Variants in GRIA4 observed in about 807,000 individuals in gnomAD.
GRIA4 encodes the protein glutamate receptor 4.
In GRIA4, 34 loss-of-function variants were observed where a neutral mutation model predicts 104.0. That is an observed-to-expected ratio of 0.33 (90% CI 0.25 to 0.44). GRIA4 has a LOEUF of 0.44. Ranked by LOEUF, GRIA4 falls within the 20% of genes least tolerant of loss-of-function variation. GRIA4 has a pLI of 1.00. For synonymous variants in GRIA4, 386 were observed against 381.9 expected, an observed-to-expected ratio of 1.01 and a Z score of -0.13; for missense variants, 750 against 1,096.5, an observed-to-expected ratio of 0.68 and a Z score of 4.46.
chr11:105,670,380 TA>T (rs1478586124), intron 3 of GRIA4, among the ~76,000 whole-genome samples: 1 of 152,156 alleles, frequency 6.6e-6, no homozygotes, highest in Non-Finnish European at 1.5e-5. Flanking sequence ...TTCATTTTAA[TA>T]AAACAGAGGC....
chr11:105,622,810 A>G (rs1950783276), intron 3 of GRIA4, among the ~76,000 whole-genome samples: 1 of 151,770 alleles, frequency 6.6e-6, no homozygotes, highest in Non-Finnish European at 1.5e-5. Context: ...GCACTCATTA[A>G]GTAATTTATC....
intron 4 of GRIA4, among the ~76,000 whole-genome samples, chr11:105,853,100 G>A (rs902956032): frequency 2.6e-5 from 4 of 152,010 alleles, no homozygotes; most frequent in African/African-American, 7.2e-5. Context: ...TTCAACATAC[G>A]GTAGAATAAA....
chr11:105,955,844 G>A (rs1287074482), intron 14 of GRIA4, among the ~76,000 whole-genome samples: 2 of 152,076 alleles, frequency 1.3e-5, no homozygotes, highest in Non-Finnish European at 2.9e-5. Context: ...ACCTCATTGT[G>A]GTTTTGATTT....
intron 3 of GRIA4, among the ~76,000 whole-genome samples, chr11:105,632,758 A>AC (rs1591471204): frequency 6.6e-6 from 1 of 152,158 alleles, no homozygotes; most frequent in Non-Finnish European, 1.5e-5. Flanking sequence ...ACACAGCGGG[A>AC]CCCCGTTTCT....
At chr11:105,720,871 A>AG (rs1937761296) in intron 3 of GRIA4, among the ~76,000 whole-genome samples, 1 of 152,168 alleles carries the variant, frequency 6.6e-6, no homozygotes, top group African/African-American at 2.4e-5. Flanking sequence ...TAGGTATAGC[A>AG]GGAATAATTA....
intron 10 of GRIA4, among the ~76,000 whole-genome samples, chr11:105,915,345 G>A (rs555233735): frequency 6.4e-4 from 97 of 152,162 alleles, no homozygotes; most frequent in African/African-American, 2.3e-3. Flanking sequence ...TTGTTGGTTT[G>A]CTCAGCAGGA....
intron 3 of GRIA4, among the ~76,000 whole-genome samples, chr11:105,641,091 C>T (rs936424493): frequency 6.6e-6 from 1 of 151,770 alleles, no homozygotes; most frequent in Non-Finnish European, 1.5e-5. Flanking sequence ...AATGTTTATC[C>T]AATATTTGTC....
chr11:105,623,597 A>T (rs1437200917), intron 3 of GRIA4, among the ~76,000 whole-genome samples: 1 of 151,796 alleles, frequency 6.6e-6, no homozygotes, highest in Non-Finnish European at 1.5e-5. Flanking sequence ...ATTCCCTTTT[A>T]TTGGACTCCT....
At chr11:105,836,868 T>G (rs1017577871) in intron 4 of GRIA4, among the ~76,000 whole-genome samples, 2 of 152,198 alleles carry the variant, frequency 1.3e-5, no homozygotes, top group Non-Finnish European at 1.5e-5. Context: ...ATATTTTATG[T>G]GTATGATAAC....
intron 7 of GRIA4, among the ~76,000 whole-genome samples, chr11:105,903,183 C>A (rs1946920532): frequency 6.6e-6 from 1 of 152,148 alleles, no homozygotes; most frequent in African/African-American, 2.4e-5. Flanking sequence ...TCCTGTGCAC[C>A]TGCATTGGGT....
At chr11:105,736,459 A>G (rs1938950751) in intron 3 of GRIA4, among the ~76,000 whole-genome samples, 1 of 152,164 alleles carries the variant, frequency 6.6e-6, no homozygotes, top group African/African-American at 2.4e-5. Context: ...CTGTTACTAC[A>G]CAATTTCCGA....
At chr11:105,832,918 A>G (rs1175286272) in intron 4 of GRIA4, among the ~76,000 whole-genome samples, 1 of 152,044 alleles carries the variant, frequency 6.6e-6, no homozygotes, top group Non-Finnish European at 1.5e-5. Flanking sequence ...ATGCTATTGA[A>G]CAAATCTTAC....
At chr11:105,871,093 T>C (rs1190735017) in intron 5 of GRIA4, among the ~76,000 whole-genome samples, 4 of 152,082 alleles carry the variant, frequency 2.6e-5, no homozygotes, top group Non-Finnish European at 5.9e-5. Context: ...GGAAAACCCC[T>C]GCACATTGCA....
chr11:105,642,216 C>A (rs953784639), intron 3 of GRIA4, among the ~76,000 whole-genome samples: 3 of 152,074 alleles, frequency 2.0e-5, no homozygotes, highest in African/African-American at 7.2e-5. Flanking sequence ...CACAATTTAT[C>A]CCACAACATG....
intron 4 of GRIA4, among the ~76,000 whole-genome samples, chr11:105,759,554 G>GGTTAACCTGTGTTAAATTGAAA (rs1565523832): frequency 6.6e-6 from 1 of 152,032 alleles, no homozygotes; most frequent in African/African-American, 2.4e-5. Flanking sequence ...AAATTTAAAA[G>GGTTAACCTGTGTTAAATTGAAA]ATGCTCCACA....
intron 3 of GRIA4, among the ~76,000 whole-genome samples, chr11:105,696,891 A>T (rs1457420429): frequency 6.6e-6 from 1 of 151,908 alleles, no homozygotes; most frequent in Non-Finnish European, 1.5e-5. Context: ...CAGCCCCCCA[A>T]ATAGCTGGGA....
At chr11:105,626,938 G>A (rs1950900974) in intron 3 of GRIA4, among the ~76,000 whole-genome samples, 1 of 152,176 alleles carries the variant, frequency 6.6e-6, no homozygotes, top group South Asian at 2.1e-4. Context: ...TTATTTAGAG[G>A]AGCATAGATA....
intron 3 of GRIA4, among the ~76,000 whole-genome samples, chr11:105,745,147 T>C (rs1939567599): frequency 6.6e-6 from 1 of 152,170 alleles, no homozygotes; most frequent in South Asian, 2.1e-4. Context: ...ACTAACATTT[T>C]TTCCAAAATG....
At chr11:105,934,847 A>T (rs1947986453) in intron 14 of GRIA4, among the ~76,000 whole-genome samples, 1 of 152,158 alleles carries the variant, frequency 6.6e-6, no homozygotes, top group Non-Finnish European at 1.5e-5. Context: ...GGATCCCATC[A>T]AAAGTGATGA....
Sources: gnomAD v4.1 joint callset for allele counts (sites outside exome capture counted in the v4.1 genomes callset) on GRCh38, gnomAD v4.1.1 for gene constraint, MANE v1.5 for transcripts, NCBI Gene and HGNC (gene_info 2026-07-23, HGNC 2026-07-21) for gene names.